FUBP3: variants seen among roughly 807,000 people sequenced by gnomAD.
The protein encoded by FUBP3 is far upstream element-binding protein 3.
FUBP3 carries 28 observed loss-of-function variants against 85.6 expected under a neutral mutation model. The ratio of observed to expected loss-of-function variants is 0.33; its 90% CI spans 0.24 to 0.45. The LOEUF (loss-of-function observed/expected upper bound fraction) is 0.45. FUBP3 is among the 20% of genes least tolerant of loss of function. FUBP3 has a pLI of 1.00. For synonymous variants in FUBP3, 271 were observed against 271.4 expected (o/e 1.00, Z 0.01); for missense variants, 583 against 755.1 (o/e 0.77, Z 2.67).
intron 1 of FUBP3, among the ~76,000 whole-genome samples, 159 bp downstream of exon 1, chr9:130,579,923 G>A (rs1208821615): frequency 2.0e-5 from 3 of 152,206 alleles, no homozygotes; most frequent in Admixed American, 2.0e-4. Flanking sequence ...AGGAGCCGGG[G>A]GGATAAGGCG....
intron 1 of FUBP3, among the ~76,000 whole-genome samples, chr9:130,590,201 G>A (rs145586183): frequency 1.1e-3 from 169 of 152,144 alleles, no homozygotes; most frequent in African/African-American, 3.9e-3. Flanking sequence ...ATTCATCCGT[G>A]TATCTCCCAA....
chr9:130,622,850 A>AG (rs1829815186), intron 10 of FUBP3, 40 bp downstream of exon 10: 1 of 1,019,278 alleles, frequency 9.8e-7, no homozygotes, highest in Admixed American at 2.3e-5. Flanking sequence ...GTTAAAAAAA[A>AG]AAAAAAATCC....
intron 18 of FUBP3, 151 bp from the exon 19 acceptor site, chr9:130,636,863 C>T: frequency 1.5e-6 from 1 of 685,176 alleles, no homozygotes; most frequent in Non-Finnish European, 2.7e-6. Flanking sequence ...TTCCCTGCCC[C>T]AAGTCCCTAG....
chr9:130,612,509 A>G lies in FUBP3; in HGVS notation c.274+4A>G, dbSNP rs745677547. 6.4e-7 allele frequency: 1 copy of G among 1,550,572 alleles called. No individual in the cohort carries two copies. The highest frequency in any genetic ancestry group is 8.9e-7 in the Non-Finnish European group (1 of 1,123,162). ...CCTGACAAAATGGTTGGATTTAGTAAGTATCCATGTTGTCTACTTTTTCCC... is the reference window on the plus strand; with the variant it reads ...CCTGACAAAATGGTTGGATTTAGTAGGTATCCATGTTGTCTACTTTTTCCC... On this transcript the variant is annotated splice_donor_region_variant and intron_variant, in intron 4 of 18. Transcript: ENST00000319725. This position sits in a 1 kb window ranked among gnomAD's most constrained non-coding sequence, Gnocchi z 4.1.
intron 1 of FUBP3, among the ~76,000 whole-genome samples, chr9:130,590,779 A>T (rs1200223989): frequency 2.0e-5 from 3 of 152,212 alleles, no homozygotes; most frequent in Non-Finnish European, 4.4e-5. Flanking sequence ...TATTAAGTGG[A>T]GGGAAGGGAG....
chr9:130,589,703 A>T (rs1177077494), intron 1 of FUBP3, among the ~76,000 whole-genome samples: 1,868 of 27,904 alleles, frequency 0.067, 79 homozygotes, highest in East Asian at 0.18. Flanking sequence ...ATATATATAT[A>T]TATTTTTTTT....
intron 5 of FUBP3, among the ~76,000 whole-genome samples, chr9:130,613,276 A>G (rs1011171074): frequency 6.6e-6 from 1 of 152,190 alleles, no homozygotes; most frequent in Non-Finnish European, 1.5e-5. Context: ...GCCCCTTCCC[A>G]AACACCTGCC....
Position 130,632,041 on chromosome 9 carries a change from C to T in FUBP3, c.1433+19C>T. 3 of 1,580,270 alleles carry T rather than the reference C, an allele frequency of 1.9e-6. No individual in the cohort carries two copies. Among genetic ancestry groups the T allele is most frequent in the Non-Finnish European group, 1.7e-6 (2 of 1,149,098 alleles). On this transcript the variant is annotated intron_variant, in intron 15 of 18. Coordinates refer to ENST00000319725, the MANE Select transcript of FUBP3 (RefSeq NM_003934.2). ...CTGTGAGGTAGGTGACCTGCTGTGA[C>T]TCAGTTGGGGACAGACGGCACTAAG...
At chr9:130,621,730 C>A (rs1385435496) in intron 9 of FUBP3, among the ~76,000 whole-genome samples, 1 of 151,254 alleles carries the variant, frequency 6.6e-6, no homozygotes, top group Non-Finnish European at 1.5e-5. Context: ...TGTGGTGAAA[C>A]CCTGTCTCTA....
chr9:130,619,079 T>C (rs368426636), intron 8 of FUBP3, among the ~76,000 whole-genome samples: 40 of 152,330 alleles, frequency 2.6e-4, no homozygotes, highest in African/African-American at 9.6e-4. Flanking sequence ...TGGGCTCCAG[T>C]ACTGTGATGG....
intron 8 of FUBP3, among the ~76,000 whole-genome samples, chr9:130,618,351 C>G (rs1229457073): frequency 6.6e-6 from 1 of 152,220 alleles, no homozygotes; most frequent in African/African-American, 2.4e-5. Context: ...CGTTTACTTG[C>G]TCGTTCTCTT....
chr9:130,630,476 T>A, intron 12 of FUBP3, 152 bp from the exon 13 acceptor site: 1 of 514,324 alleles, frequency 1.9e-6, no homozygotes, highest in South Asian at 3.4e-5. Context: ...TGGAACCACT[T>A]TGGAGTAAAT....
chr9:130,618,218 G>A (rs917968328), intron 8 of FUBP3, among the ~76,000 whole-genome samples: 4 of 152,184 alleles, frequency 2.6e-5, no homozygotes, highest in South Asian at 2.1e-4. Flanking sequence ...GAACATTTCC[G>A]AGCTCTTGCT....
intron 3 of FUBP3, 87 bp downstream of exon 3, chr9:130,610,074 G>A: frequency 1.8e-6 from 2 of 1,099,154 alleles, no homozygotes; most frequent in Non-Finnish European, 2.8e-6. Flanking sequence ...TAGAAAGTCA[G>A]AGGTTGAGAA....
intron 1 of FUBP3, among the ~76,000 whole-genome samples, chr9:130,590,126 T>C (rs1331971968): frequency 2.1e-5 from 3 of 143,586 alleles, no homozygotes; most frequent in Non-Finnish European, 3.0e-5. Context: ...ACTAAGTCAG[T>C]ATCATAAGTG....
intron 2 of FUBP3, among the ~76,000 whole-genome samples, chr9:130,599,143 T>A (rs1205331942): frequency 6.6e-6 from 1 of 151,960 alleles, no homozygotes; most frequent in Non-Finnish European, 1.5e-5. Flanking sequence ...ATACAAAAAA[T>A]TAGCTGGATG....
At chr9:130,632,371 G>T (rs1588168016) in intron 16 of FUBP3, 93 bp downstream of exon 16, 4 of 953,508 alleles carry the variant, frequency 4.2e-6, no homozygotes, top group East Asian at 2.5e-5. Context: ...AACTCAGCCA[G>T]CAGGCCCAGG....
At chr9:130,588,010 A>G (rs931204206) in intron 1 of FUBP3, among the ~76,000 whole-genome samples, 3 of 152,250 alleles carry the variant, frequency 2.0e-5, no homozygotes, top group Non-Finnish European at 4.4e-5. Context: ...TATTTCAATT[A>G]TTGCAAGTAA....
At chr9:130,631,807 C>A in intron 14 of FUBP3, 135 bp from the exon 15 acceptor site, 2 of 827,774 alleles carry the variant, frequency 2.4e-6, no homozygotes, top group Non-Finnish European at 4.1e-6. Flanking sequence ...CTGACCTCAG[C>A]GATGGGGTGG....
Sources: allele counts gnomAD v4.1 joint callset (sites outside exome capture counted in the v4.1 genomes callset), GRCh38; gene constraint gnomAD v4.1.1; non-coding constraint Gnocchi (gnomAD v3.1); transcripts MANE v1.5; gene names NCBI Gene and HGNC (gene_info 2026-07-23, HGNC 2026-07-21).